The following LCLAT1 variants were observed in gnomAD, a reference collection of about 807,000 sequenced individuals.
LCLAT1 encodes lysocardiolipin acyltransferase 1, also known as 1-AGP acyltransferase 8.
Under a neutral mutation model 30.7 loss-of-function variants are expected in LCLAT1, and 11 were observed. The observed-to-expected ratio is 0.36, with a 90% CI of 0.23 to 0.59. The LOEUF is 0.59. Ranked by LOEUF, LCLAT1 falls within the 20% of genes least tolerant of loss-of-function variation. The probability of loss-of-function intolerance (pLI) is 0.77; values close to 1 mark genes in which losing one functional copy is unlikely to be tolerated. For synonymous variants in LCLAT1, 155 were observed against 151.3 expected, an observed-to-expected ratio of 1.02 and a Z score of -0.18; for missense variants, 402 against 458.6, an observed-to-expected ratio of 0.88 and a Z score of 1.13.
chr2:30,638,030 T>C (rs1298071804), intron 5 of LCLAT1, among the ~76,000 whole-genome samples: 1 of 152,216 alleles, frequency 6.6e-6, no homozygotes, highest in East Asian at 1.9e-4. Flanking sequence ...ATTTCAACTT[T>C]GAATCTAAGC....
intron 5 of LCLAT1, among the ~76,000 whole-genome samples, chr2:30,629,388 T>A (rs1006186605): frequency 6.6e-6 from 1 of 151,972 alleles, no homozygotes; most frequent in Non-Finnish European, 1.5e-5. Context: ...GGCGAAACCC[T>A]GTCTCTACTA....
intron 4 of LCLAT1, among the ~76,000 whole-genome samples, chr2:30,563,173 A>G (rs1665322670): frequency 6.6e-6 from 1 of 152,016 alleles, no homozygotes; most frequent in African/African-American, 2.4e-5. Context: ...TGCACCCGAT[A>G]CTACCACCAC....
At chr2:30,515,030 AC>A (rs1168777440) in intron 1 of LCLAT1, among the ~76,000 whole-genome samples, 1 of 151,752 alleles carries the variant, frequency 6.6e-6, no homozygotes, top group Non-Finnish European at 1.5e-5. Context: ...TGTTGTTGTA[AC>A]CCCCGCTCCC....
intron 5 of LCLAT1, among the ~76,000 whole-genome samples, chr2:30,583,161 G>A (rs920217108): frequency 6.6e-6 from 1 of 152,172 alleles, no homozygotes; most frequent in Non-Finnish European, 1.5e-5. Context: ...TTAATCAAAA[G>A]GATGATAGTA....
intron 3 of LCLAT1, among the ~76,000 whole-genome samples, chr2:30,539,050 A>C (rs908563374): frequency 6.7e-6 from 1 of 150,080 alleles, no homozygotes; most frequent in Non-Finnish European, 1.5e-5. Flanking sequence ...ACCTCCACCT[A>C]CCTGGTTCAA....
At chr2:30,478,640 T>C (rs571820812) in intron 1 of LCLAT1, among the ~76,000 whole-genome samples, 4 of 152,136 alleles carry the variant, frequency 2.6e-5, no homozygotes, top group African/African-American at 9.6e-5. Context: ...TGCACTCCAG[T>C]CTGGATGACA....
intron 3 of LCLAT1, chr2:30,552,574 T>C (rs1558514438): frequency 4.5e-6 from 2 of 446,454 alleles, no homozygotes; most frequent in African/African-American, 4.0e-5. Flanking sequence ...TTACCTGTCA[T>C]CAGAGTTTTT....
At chr2:30,522,184 T>C (rs982667041) in intron 1 of LCLAT1, among the ~76,000 whole-genome samples, 14 of 152,328 alleles carry the variant, frequency 9.2e-5, no homozygotes, top group South Asian at 2.1e-4. Flanking sequence ...TGTGTGAATA[T>C]ACATTTTCAT....
intron 1 of LCLAT1, among the ~76,000 whole-genome samples, chr2:30,454,122 T>G (rs1299516960): frequency 1.3e-5 from 2 of 152,248 alleles, no homozygotes; most frequent in Non-Finnish European, 2.9e-5. Flanking sequence ...TTACAAGTTA[T>G]GTCCAAAGTT....
rs193252657 is a variant in LCLAT1 at position 30,528,985 on chromosome 2, T to G, written c.165+3230T>G. 3.6e-3 allele frequency among the ~76,000 whole-genome samples: 545 copies of G among 152,314 alleles called. 3 individuals are homozygous for G. The highest frequency in any genetic ancestry group is 0.016 in the South Asian group (78 of 4,826). On this transcript the variant is annotated intron_variant, in intron 2 of 5. Transcript: ENST00000379509. Reference sequence around the variant, plus strand: ...AGGGTGTCTTTTATCACCTTTTATCTCATACTCGTACAAGGAGCTAAAGGA... The same window carrying G: ...AGGGTGTCTTTTATCACCTTTTATCGCATACTCGTACAAGGAGCTAAAGGA...
intron 5 of LCLAT1, among the ~76,000 whole-genome samples, chr2:30,616,469 T>G (rs1378122322): frequency 6.6e-6 from 1 of 152,200 alleles, no homozygotes; most frequent in Non-Finnish European, 1.5e-5. Context: ...AAATTAGAGC[T>G]ATATGCTTCT....
chr2:30,539,105 G>A (rs539733382), intron 3 of LCLAT1, among the ~76,000 whole-genome samples: 57 of 151,770 alleles, frequency 3.8e-4, no homozygotes, highest in African/African-American at 1.3e-3. Flanking sequence ...GACTACAGGC[G>A]CACGCCACCA....
chr2:30,639,758 G>A (rs1669209605), intron 5 of LCLAT1, among the ~76,000 whole-genome samples: 1 of 152,152 alleles, frequency 6.6e-6, no homozygotes, highest in Non-Finnish European at 1.5e-5. Context: ...ATTAATAGGA[G>A]GTATCAAAAC....
Position 30,499,330 on chromosome 2 carries a change from G to A in LCLAT1, c.-4-26257G>A, listed in dbSNP as rs556384838. On this transcript the variant is annotated intron_variant, in intron 1 of 5. Transcript: ENST00000379509. Reference sequence around the variant, plus strand: ...CGAGTAGCTGGGATTACAGGTGCCCGCCATCACGCCCAGCTAATTTTTTGT... The same window carrying A: ...CGAGTAGCTGGGATTACAGGTGCCCACCATCACGCCCAGCTAATTTTTTGT... 3.3e-3 allele frequency among the ~76,000 whole-genome samples: 501 copies of A among 152,188 alleles called. 1 individual carries two copies. Among genetic ancestry groups the A allele is most frequent in the African/African-American group, 0.011 (474 of 41,498 alleles).
intron 1 of LCLAT1, among the ~76,000 whole-genome samples, chr2:30,460,643 T>C (rs1239933999): frequency 3.9e-5 from 6 of 152,224 alleles, no homozygotes; most frequent in Admixed American, 3.3e-4. Flanking sequence ...TATCTTTTGT[T>C]ATTCATAACA....
chr2:30,504,623 G>A (rs1470565061), intron 1 of LCLAT1, among the ~76,000 whole-genome samples: 4 of 152,050 alleles, frequency 2.6e-5, no homozygotes, highest in Admixed American at 6.6e-5. Context: ...CTTTGATTAT[G>A]GGATCATGGA....
intron 1 of LCLAT1, among the ~76,000 whole-genome samples, chr2:30,506,679 T>C (rs1399094165): frequency 6.6e-6 from 1 of 152,116 alleles, no homozygotes; most frequent in Non-Finnish European, 1.5e-5. Context: ...TAAAGAAACA[T>C]ACCATTTCTT....
chr2:30,583,883 CAAG>C (rs1666311177), intron 5 of LCLAT1, among the ~76,000 whole-genome samples: 1 of 151,912 alleles, frequency 6.6e-6, no homozygotes, highest in Non-Finnish European at 1.5e-5. Context: ...TTGAAATAAA[CAAG>C]AAGATAAGGG....
chr2:30,565,609 A>G (rs1037684021), intron 4 of LCLAT1, among the ~76,000 whole-genome samples: 85 of 152,230 alleles, frequency 5.6e-4, no homozygotes, highest in Non-Finnish European at 4.9e-4. Flanking sequence ...TGCATATAAC[A>G]TAACACCTAT....
Sources: allele counts gnomAD v4.1 joint callset (sites outside exome capture counted in the v4.1 genomes callset), GRCh38; gene constraint gnomAD v4.1.1; transcripts MANE v1.5; gene names NCBI Gene and HGNC (gene_info 2026-07-23, HGNC 2026-07-21).